The following SCARB1 variants were observed in gnomAD, a reference collection of about 807,000 sequenced individuals.
SCARB1 encodes the protein scavenger receptor class B member 1.
Under a neutral mutation model 57.2 loss-of-function variants are expected in SCARB1, and 30 were observed. The observed-to-expected ratio is 0.52, with a 90% confidence interval of 0.39 to 0.71. The LOEUF is 0.71. SCARB1 is among the 30% of genes least tolerant of loss of function. The pLI, the probability that SCARB1 is intolerant of heterozygous loss-of-function variation, is 0.00. For synonymous variants in SCARB1, 249 were observed against 268.3 expected (o/e 0.93, Z 0.70); for missense variants, 543 against 671.2 (o/e 0.81, Z 2.11).
intron 1 of SCARB1, among the ~76,000 whole-genome samples, chr12:124,838,911 A>G (rs891796905): frequency 6.7e-6 from 1 of 150,310 alleles, no homozygotes; most frequent in African/African-American, 2.4e-5. Flanking sequence ...AGTAGCTGGG[A>G]TTACAGGCGC....
At chr12:124,853,813 G>C (rs965574223) in intron 1 of SCARB1, among the ~76,000 whole-genome samples, 7 of 152,170 alleles carry the variant, frequency 4.6e-5, no homozygotes, top group African/African-American at 1.7e-4. Flanking sequence ...GGGAAACAAC[G>C]GTGGCAGCTC....
At chr12:124,802,502 G>A (rs1319418524) in intron 7 of SCARB1, among the ~76,000 whole-genome samples, 3 of 152,032 alleles carry the variant, frequency 2.0e-5, no homozygotes, top group East Asian at 1.9e-4. Flanking sequence ...AGGCAGCCAC[G>A]GAGCCGAACT....
At chr12:124,847,756 G>A (rs1035897242) in intron 1 of SCARB1, among the ~76,000 whole-genome samples, 14 of 152,214 alleles carry the variant, frequency 9.2e-5, no homozygotes, top group Non-Finnish European at 1.6e-4. Context: ...AACCCAAGAG[G>A]TTCAGACTTG....
chr12:124,831,376 C>A (rs1006208007), intron 1 of SCARB1, among the ~76,000 whole-genome samples: 3 of 152,156 alleles, frequency 2.0e-5, no homozygotes, highest in African/African-American at 7.2e-5. Context: ...CTTGGCCTCC[C>A]AAAGTGCTGG....
chr12:124,807,432 C>A lies in SCARB1; in HGVS notation c.1009+329G>T, dbSNP rs1032806503. Among the ~76,000 whole-genome samples the A allele has an allele frequency of 9.2e-5, 14 of 152,186 alleles. No homozygotes were observed. The highest frequency in any genetic ancestry group is 2.9e-4 in the African/African-American group (12 of 41,446). On this transcript the variant is annotated intron_variant, in intron 7 of 12. Coordinates refer to ENST00000261693, the MANE Select transcript of SCARB1 (RefSeq NM_005505.5). This position sits in a 1 kb window ranked among gnomAD's most constrained non-coding sequence, Gnocchi z 5.3. Reference sequence around the variant, plus strand: ...CTCTGGAAGCCAGAAAAGGCAGACGCAGCTTCTCCTAGAGCCTCCAGAAGG... The same window carrying A: ...CTCTGGAAGCCAGAAAAGGCAGACGAAGCTTCTCCTAGAGCCTCCAGAAGG...
chr12:124,838,279 C>T (rs548114262), intron 1 of SCARB1, among the ~76,000 whole-genome samples: 82 of 152,358 alleles, frequency 5.4e-4, no homozygotes, highest in African/African-American at 1.9e-3. Flanking sequence ...TAGTTCTGGC[C>T]TCGGCTCAGT....
rs779849229 is a variant in SCARB1 at position 124,863,693 on chromosome 12, C to T, written c.28G>A (p.Ala10Thr). Residue 10 changes from alanine to threonine, a missense_variant, in exon 1 of 13, where the codon GCT becomes ACT. Ala to Thr is a moderately conservative substitution (Grantham distance 58). Coordinates refer to ENST00000261693, the MANE Select transcript of SCARB1 (RefSeq NM_005505.5). ...CCCGCGACGCCCAGCGCCCCGGCAG[C>T]CCAGCGCGCTTTGGCGGAGCAGCCC... is the stretch of plus-strand genomic sequence containing the variant. The part of the protein sequence containing the change: MGCSAKARW[A>T]AGALGVAGLL... The T allele has an allele frequency of 2.6e-6, 4 of 1,545,272 alleles. No homozygotes were observed. The highest frequency in any genetic ancestry group is 3.5e-6 in the Non-Finnish European group (4 of 1,146,346).
At chr12:124,806,070 G>A (rs1203546495) in intron 7 of SCARB1, among the ~76,000 whole-genome samples, 2 of 152,092 alleles carry the variant, frequency 1.3e-5, no homozygotes, top group African/African-American at 4.8e-5. Context: ...TTAAACAGCC[G>A]CAAGAGGCCA....
Position 124,817,100 on chromosome 12 carries a change from ATGTG to A in SCARB1, c.284+446_284+449del, listed in dbSNP as rs1197498134. The stretch of plus-strand genomic sequence containing the variant: ...TGTGTGTGTATGTATGTGTGTGTGT[ATGTG>A]TATGTACGTGTGTATGTATGTATGT... On this transcript the variant is annotated intron_variant, in intron 2 of 12. Transcript: ENST00000261693. This position sits in a 1 kb window ranked among gnomAD's most constrained non-coding sequence, Gnocchi z 4.8. Among the ~76,000 whole-genome samples the A allele has an allele frequency of 6.2e-5, 9 of 146,022 alleles. No individual in the cohort carries two copies. The highest frequency in any genetic ancestry group is 1.5e-5 in the Non-Finnish European group (1 of 66,558).
Position 124,814,653 on chromosome 12 carries a change from C to T in SCARB1, c.427-248G>A, listed in dbSNP as rs1950636022. ...CCACTGGACTCAGGCTAAGTGAACTCCAGCCCCAGTCCCAGAGGCGGGCCT... is the reference window on the plus strand; with the variant it reads ...CCACTGGACTCAGGCTAAGTGAACTTCAGCCCCAGTCCCAGAGGCGGGCCT... On this transcript the variant is annotated intron_variant, in intron 3 of 12. Transcript: ENST00000261693. This position sits in a 1 kb window ranked among gnomAD's most constrained non-coding sequence, Gnocchi z 4.7. Among the ~76,000 whole-genome samples, 1 of 152,216 alleles carries T rather than the reference C, an allele frequency of 6.6e-6. No homozygotes were observed. Among genetic ancestry groups the T allele is most frequent in the Non-Finnish European group, 1.5e-5 (1 of 68,038 alleles).
intron 11 of SCARB1, chr12:124,784,599 A>C (rs1030413518): frequency 6.6e-6 from 1 of 152,420 alleles, no homozygotes; most frequent in African/African-American, 2.4e-5. Context: ...AAGAGGAAGA[A>C]TCATTCACCA....
intron 9 of SCARB1, among the ~76,000 whole-genome samples, chr12:124,793,093 T>C (rs975126984): frequency 6.6e-6 from 1 of 152,070 alleles, no homozygotes; most frequent in African/African-American, 2.4e-5. Flanking sequence ...AATATAAAAA[T>C]AAAATGCAAG....
Position 124,817,429 on chromosome 12 carries a change from T to G in SCARB1, c.284+121A>C. 1.0e-6 allele frequency: 1 copy of G among 964,038 alleles called. No homozygotes were observed. The highest frequency in any genetic ancestry group is 2.7e-5 in the East Asian group (1 of 37,592). The allele number at this position is 964,038 out of a possible 1,614,324, so 59.7% of individuals were successfully genotyped here. On this transcript the variant is annotated intron_variant, in intron 2 of 12. Transcript: ENST00000261693. This position sits in a 1 kb window ranked among gnomAD's most constrained non-coding sequence, Gnocchi z 4.8. ...ACTAGCACTTACCCCGACTATGACT[T>G]GCCTGCTTCCGGAACAATCTCTGGG...
rs1368294247 is a variant in SCARB1, at chr12:124,841,480, TC to T, written c.126+22114del. ...CTGGGCGACAGAGAAAGACTCTGTCTCAAAAAAAAAAAAAAAAAATACTGAG... is the reference window on the plus strand; with the variant it reads ...CTGGGCGACAGAGAAAGACTCTGTCTAAAAAAAAAAAAAAAAAATACTGAG... On this transcript the variant is annotated intron_variant, in intron 1 of 12. Transcript: ENST00000261693. Among the ~76,000 whole-genome samples the T allele has an allele frequency of 8.0e-3, 1,064 of 132,206 alleles. 21 individuals carry two copies. Among genetic ancestry groups the T allele is most frequent in the African/African-American group, 0.032 (1,017 of 32,082 alleles). The allele number at this position is 132,206 out of a possible 152,430, so 86.7% of individuals were successfully genotyped here. A position where few individuals can be genotyped will look rare whatever the true frequency, so the allele number is the denominator to read the frequency against.
intron 1 of SCARB1, among the ~76,000 whole-genome samples, chr12:124,828,405 C>T (rs1484694898): frequency 2.0e-5 from 3 of 152,066 alleles, no homozygotes; most frequent in Admixed American, 6.5e-5. Context: ...ATGCCCTGTA[C>T]AATCATCCGC....
intron 1 of SCARB1, among the ~76,000 whole-genome samples, chr12:124,851,437 T>A (rs755628693): frequency 9.4e-5 from 11 of 116,604 alleles, no homozygotes; most frequent in Non-Finnish European, 1.4e-4. Flanking sequence ...GCTGTTTTCC[T>A]TTTTTTTTCT....
At chr12:124,843,287 A>T (rs1180327894) in intron 1 of SCARB1, among the ~76,000 whole-genome samples, 1 of 40,698 alleles carries the variant, frequency 2.5e-5, no homozygotes, top group African/African-American at 7.0e-5. Flanking sequence ...CTTTCTGTGG[A>T]GATGGGGGGG....
chr12:124,853,400 T>G (rs1044924262), intron 1 of SCARB1, among the ~76,000 whole-genome samples: 10 of 150,230 alleles, frequency 6.7e-5, no homozygotes, highest in African/African-American at 1.7e-4. Flanking sequence ...GTTTTTTTTT[T>G]TTTTTTTTTT....
intron 1 of SCARB1, among the ~76,000 whole-genome samples, chr12:124,861,301 C>T (rs957996936): frequency 2.6e-5 from 4 of 152,074 alleles, no homozygotes; most frequent in Non-Finnish European, 5.9e-5. Flanking sequence ...GATGTAAATG[C>T]TATGTCAATA....
Sources: allele counts gnomAD v4.1 joint callset (sites outside exome capture counted in the v4.1 genomes callset), GRCh38; gene constraint gnomAD v4.1.1; non-coding constraint Gnocchi (gnomAD v3.1); transcripts MANE v1.5; gene names NCBI Gene and HGNC (gene_info 2026-07-23, HGNC 2026-07-21).